The following SIX4 variants were observed in gnomAD, a reference collection of about 807,000 sequenced individuals.
SIX4 encodes SIX homeobox 4.
In SIX4, 23 loss-of-function variants were observed where a neutral mutation model predicts 51.5. That is an observed-to-expected ratio of 0.45 (90% CI 0.32 to 0.63). SIX4 has a LOEUF of 0.63. Ranked by LOEUF, SIX4 falls within the 30% of genes least tolerant of loss-of-function variation. The pLI, the probability that SIX4 is intolerant of heterozygous loss-of-function variation, is 0.04. For missense variants in SIX4, 867 were observed against 984.0 expected (o/e 0.88, Z 1.59); for synonymous variants, 413 against 417.3 (o/e 0.99, Z 0.13).
rs1366522270 is a variant in SIX4 at position 60,711,709 on chromosome 14, C to G, written c.*1698G>C. The G allele has an allele frequency of 6.7e-6, 1 of 148,800 alleles. No homozygotes were observed. The highest frequency in any genetic ancestry group is 6.8e-5 in the Admixed American group (1 of 14,660). 9.2% of individuals were successfully genotyped at this position (148,800 alleles called of 1,614,324 possible). On this transcript the variant is annotated 3_prime_UTR_variant, in exon 3 of 3. Coordinates refer to ENST00000216513, the MANE Select transcript of SIX4 (RefSeq NM_017420.5). ...CTGAGGCAGGAGAATGGCGTGAACC[C>G]AGGAGGCAGAGCTTGCAGTGAGCCA...
chr14:60,724,232 G>C lies in SIX4; in HGVS notation c.-158C>G. ...GTTTCGGCTGTATCTGGCCGATCAG[G>C]TTTCCCCCCGGCCACGCAGTCACCA... On this transcript the variant is annotated 5_prime_UTR_variant, in exon 1 of 3. Coordinates refer to ENST00000216513, the MANE Select transcript of SIX4 (RefSeq NM_017420.5). 6.5e-7 allele frequency: 1 copy of C among 1,542,540 alleles called. No homozygotes were observed. Among genetic ancestry groups the C allele is most frequent in the Non-Finnish European group, 8.7e-7 (1 of 1,150,536 alleles).
At chr14:60,723,028 C>A (rs1033618698) in intron 1 of SIX4, 184 bp downstream of exon 1, 11 of 1,373,006 alleles carry the variant, frequency 8.0e-6, no homozygotes, top group Non-Finnish European at 9.5e-6. Flanking sequence ...GTTCCCCCGC[C>A]CCCCGCCTCC....
chr14:60,714,271 G>A (rs960490619), intron 2 of SIX4, 68 bp from the exon 3 acceptor site: 7 of 1,374,322 alleles, frequency 5.1e-6, no homozygotes, highest in Non-Finnish European at 6.8e-6. Context: ...TTACACACAC[G>A]TTTTTTTCTC....
intron 2 of SIX4, among the ~76,000 whole-genome samples, chr14:60,716,271 G>T (rs563920509): frequency 2.0e-5 from 3 of 151,114 alleles, no homozygotes; most frequent in Admixed American, 6.6e-5. Context: ...ATTTTTTTTT[G>T]AGACAGAGTC....
intron 2 of SIX4, among the ~76,000 whole-genome samples, chr14:60,716,423 T>C (rs1199863104): frequency 6.6e-6 from 1 of 151,914 alleles, no homozygotes; most frequent in African/African-American, 2.4e-5. Flanking sequence ...TGGCTAATTT[T>C]TGTATTTTTA....
At chr14:60,721,343 G>C (rs186504136) in intron 1 of SIX4, among the ~76,000 whole-genome samples, 4 of 152,144 alleles carry the variant, frequency 2.6e-5, no homozygotes, top group Admixed American at 2.6e-4. Flanking sequence ...GAGAGCAAAC[G>C]AGAGCAGAAC....
At chr14:60,723,160 G>T (rs1488403812) in intron 1 of SIX4, 52 bp downstream of exon 1, 2 of 1,497,310 alleles carry the variant, frequency 1.3e-6, no homozygotes, top group African/African-American at 2.8e-5. Flanking sequence ...AAAGAAAGCC[G>T]GGAAGGGGGT....
At chr14:60,715,231 G>T (rs1369280416) in intron 2 of SIX4, among the ~76,000 whole-genome samples, 1 of 152,108 alleles carries the variant, frequency 6.6e-6, no homozygotes, top group East Asian at 1.9e-4. Flanking sequence ...GTTATTGCTA[G>T]CTCTGCCAGT....
At position 60,720,283 on chromosome 14, in the gene SIX4, T is replaced by C. The variant is rs566830583; in HGVS notation, c.1026A>G (p.Ser342=). 4 of 1,614,228 alleles carry C rather than the reference T, an allele frequency of 2.5e-6. No homozygotes were observed. The East Asian group carries it at 8.9e-5, about 36-fold the overall frequency. ...TCAACAGAACTCCAGAAGAGCTTAA[T>C]GATATCTTAGCATTTCCAATTTGTT... The part of the protein sequence containing the change: ...YMQQIGNAKI[S]LSSSGVLLNG... The change falls in exon 2 of 3, where the codon TCA becomes TCG. Residue 342 remains serine (S), a synonymous_variant. Transcript: ENST00000216513. The surrounding 1 kb of genome is among the most constrained non-coding windows in gnomAD (Gnocchi z 5.5).
chr14:60,724,338 G>A lies in SIX4; in HGVS notation c.-264C>T. ...CCCCAACGTGACTCCTCCGGTTGCTGCATACTATATGGCAGTGGCGGCCGG... is the reference window on the plus strand; with the variant it reads ...CCCCAACGTGACTCCTCCGGTTGCTACATACTATATGGCAGTGGCGGCCGG... On this transcript the variant is annotated 5_prime_UTR_variant, in exon 1 of 3. The change creates a premature stop within an existing upstream ORF in the 5' untranslated region. Transcript: ENST00000216513. 2.1e-6 allele frequency: 3 copies of A among 1,461,392 alleles called. No individual in the cohort carries two copies. Among genetic ancestry groups the A allele is most frequent in the Non-Finnish European group, 2.7e-6 (3 of 1,098,340 alleles). 90.5% of individuals were successfully genotyped at this position (1,461,392 alleles called of 1,614,324 possible).
Position 60,713,287 on chromosome 14 carries a change from G to A in SIX4, c.*120C>T, listed in dbSNP as rs1895855015. On this transcript the variant is annotated 3_prime_UTR_variant, in exon 3 of 3. Transcript: ENST00000216513. ...CATGCAGATCAATCTAAAGTCTCTTGTATGCATATACTTGCAAAACTAGAG... is the reference window on the plus strand; with the variant it reads ...CATGCAGATCAATCTAAAGTCTCTTATATGCATATACTTGCAAAACTAGAG... The A allele has an allele frequency of 4.1e-6, 4 of 967,568 alleles. No individual in the cohort carries two copies. The highest frequency in any genetic ancestry group is 4.5e-6 in the Non-Finnish European group (3 of 662,882). The allele number at this position is 967,568 out of a possible 1,614,324, so 59.9% of individuals were successfully genotyped here.
At position 60,719,391 on chromosome 14, in the gene SIX4, T is replaced by C. The variant is rs368773790; in HGVS notation, c.1549+369A>G. ...GCATTCTTACCAACTGCTAGACTAA[T>C]TTTGTGTTCTTAGCAATTTTATTAA... On this transcript the variant is annotated intron_variant, in intron 2 of 2. Coordinates refer to ENST00000216513, the MANE Select transcript of SIX4 (RefSeq NM_017420.5). The surrounding 1 kb of genome is among the most constrained non-coding windows in gnomAD (Gnocchi z 4.9). 4.6e-4 allele frequency among the ~76,000 whole-genome samples: 70 copies of C among 152,314 alleles called. No homozygotes were observed. The highest frequency in any genetic ancestry group is 1.6e-3 in the African/African-American group (68 of 41,582).
chr14:60,720,116 G>A lies in SIX4; in HGVS notation c.1193C>T (p.Ser398Leu). The change falls in exon 2 of 3, where the codon TCA becomes TTA. Residue 398 changes from serine to leucine, a missense_variant. By Grantham distance (145) the Ser-to-Leu change is moderately radical (BLOSUM62 -2). Transcript: ENST00000216513. This position sits in a 1 kb window ranked among gnomAD's most constrained non-coding sequence, Gnocchi z 5.5. ...GGATATACCATTGCTCACAATGTTT[G>A]ATGACATTTTTGGTGGGTTCAATGC... ...AVALNPPKMS[S>L]NIVSNGISMT... is the part of the protein sequence containing the mutation. 6.2e-7 allele frequency: 1 copy of A among 1,614,206 alleles called. No homozygotes were observed. Among genetic ancestry groups the A allele is most frequent in the Non-Finnish European group, 8.5e-7 (1 of 1,180,042 alleles).
chr14:60,723,769 C>G lies in SIX4; in HGVS notation c.306G>C (p.Ala102=), dbSNP rs533898923. Residue 102 remains alanine, a synonymous_variant, in exon 1 of 3, where the codon GCG becomes GCC. Coordinates refer to ENST00000216513, the MANE Select transcript of SIX4 (RefSeq NM_017420.5). ...CGGGCGAGAAGGCCAGCGGGGTCTG[C>G]GCGGCGGCGGCGGCGGCGTGGTGGT... ...GRHHHAAAAA[A]QTPLAFSPDH... 2.6e-6 allele frequency: 4 copies of G among 1,538,464 alleles called. No homozygotes were observed. Among genetic ancestry groups the G allele is most frequent in the East Asian group, 4.9e-5 (2 of 40,804 alleles).
In SIX4 at chr14:60,720,449, T is replaced by C; in HGVS notation, c.864-4A>G. The C allele has an allele frequency of 6.2e-7, 1 of 1,607,156 alleles. No homozygotes were observed. Among genetic ancestry groups the C allele is most frequent in the Non-Finnish European group, 8.5e-7 (1 of 1,176,824 alleles). Reference sequence around the variant, plus strand: ...GCTGGGGTTGCCATCTGACTCACTGTATGGAGGGGGAAATCAAAATGTTCA... The same window carrying C: ...GCTGGGGTTGCCATCTGACTCACTGCATGGAGGGGGAAATCAAAATGTTCA... On this transcript the variant is annotated splice_region_variant and splice_polypyrimidine_tract_variant and intron_variant, in intron 1 of 2. Transcript: ENST00000216513. This position sits in a 1 kb window ranked among gnomAD's most constrained non-coding sequence, Gnocchi z 5.5.
chr14:60,713,272 A>C lies in SIX4; in HGVS notation c.*135T>G, dbSNP rs1232743864. The C allele has an allele frequency of 2.4e-6, 2 of 825,586 alleles. No individual in the cohort carries two copies. The highest frequency in any genetic ancestry group is 3.7e-6 in the Non-Finnish European group (2 of 540,856). 51.1% of individuals were successfully genotyped at this position (825,586 alleles called of 1,614,324 possible). On this transcript the variant is annotated 3_prime_UTR_variant, in exon 3 of 3. Coordinates refer to ENST00000216513, the MANE Select transcript of SIX4 (RefSeq NM_017420.5). ...CTTAACTGTGATCTTCATGCAGATCAATCTAAAGTCTCTTGTATGCATATA... is the reference window on the plus strand; with the variant it reads ...CTTAACTGTGATCTTCATGCAGATCCATCTAAAGTCTCTTGTATGCATATA...
At position 60,723,938 on chromosome 14, in the gene SIX4, G is replaced by T; in HGVS notation, c.137C>A (p.Pro46Gln). 1 of 1,509,784 alleles carries T rather than the reference G, an allele frequency of 6.6e-7. No individual in the cohort carries two copies. The highest frequency in any genetic ancestry group is 8.8e-7 in the Non-Finnish European group (1 of 1,138,582). 93.5% of individuals were successfully genotyped at this position (1,509,784 alleles called of 1,614,324 possible). The change falls in exon 1 of 3, where the codon CCG (proline) becomes CAG (glutamine). Residue 46 changes from proline to glutamine, a missense_variant. Transcript: ENST00000216513. ...AGGAAVGLSP[P>Q]APAPFPLEPG... ...CTCCAGGGGAAAAGGGGCTGGAGCC[G>T]GGGGGCTCAGCCCTACCGCCGCGCC...
In SIX4 at chr14:60,719,318, T is replaced by G. The variant is rs942235303; in HGVS notation, c.1549+442A>C. On this transcript the variant is annotated intron_variant, in intron 2 of 2. Coordinates refer to ENST00000216513, the MANE Select transcript of SIX4 (RefSeq NM_017420.5). This position sits in a 1 kb window ranked among gnomAD's most constrained non-coding sequence, Gnocchi z 4.9. Reference sequence around the variant, plus strand: ...TTGATCCGGTCTTTTTAGCTTGTTCTTCTAAAACATTTTTTGGTCAAATAA... The same window carrying G: ...TTGATCCGGTCTTTTTAGCTTGTTCGTCTAAAACATTTTTTGGTCAAATAA... Among the ~76,000 whole-genome samples the G allele has an allele frequency of 1.3e-5, 2 of 152,256 alleles. No individual in the cohort carries two copies. The highest frequency in any genetic ancestry group is 2.9e-5 in the Non-Finnish European group (2 of 68,042).
At chr14:60,714,289 G>T in intron 2 of SIX4, 86 bp from the exon 3 acceptor site, 1 of 1,196,320 alleles carries the variant, frequency 8.4e-7, no homozygotes, top group Non-Finnish European at 1.1e-6. Context: ...CTCAGGTACA[G>T]TATCTATAAA....
Sources: gnomAD v4.1 joint callset for allele counts (sites outside exome capture counted in the v4.1 genomes callset) on GRCh38, gnomAD v4.1.1 for gene constraint, Gnocchi (gnomAD v3.1) non-coding constraint, MANE v1.5 for transcripts, NCBI Gene and HGNC (gene_info 2026-07-23, HGNC 2026-07-21) for gene names.